The following AREL1 variants were observed in gnomAD, a reference collection of about 807,000 sequenced individuals.
AREL1 encodes the protein apoptosis resistant E3 ubiquitin protein ligase 1, also known as apoptosis-resistant E3 ubiquitin protein ligase 1.
Under a neutral mutation model 99.0 loss-of-function variants are expected in AREL1, and 62 were observed. The ratio of observed to expected loss-of-function variants is 0.63; its 90% confidence interval spans 0.51 to 0.77. The LOEUF (loss-of-function observed/expected upper bound fraction) is 0.77, where lower values mean the gene tolerates loss of function less well. Ranked by LOEUF, AREL1 falls within the 30% of genes least tolerant of loss-of-function variation. The pLI, the probability that AREL1 is intolerant of heterozygous loss-of-function variation, is 0.00. For synonymous variants in AREL1, 380 were observed against 376.5 expected, an observed-to-expected ratio of 1.01 and a Z score of -0.11; for missense variants, 879 against 1,027.6, an observed-to-expected ratio of 0.86 and a Z score of 1.98.
chr14:74,686,725 C>T (rs2089756586), intron 2 of AREL1, among the ~76,000 whole-genome samples: 1 of 151,960 alleles, frequency 6.6e-6, no homozygotes, highest in South Asian at 2.1e-4. Context: ...AACAATATAC[C>T]CAGTGGAACC....
chr14:74,688,538 C>T (rs2089798520), intron 2 of AREL1, among the ~76,000 whole-genome samples: 2 of 152,316 alleles, frequency 1.3e-5, no homozygotes, highest in South Asian at 4.1e-4. Flanking sequence ...TTCTGCCCCA[C>T]CTCTATTCAT....
chr14:74,683,603 G>A (rs1594767396), intron 4 of AREL1, 70 bp from the exon 5 acceptor site: 9 of 1,422,468 alleles, frequency 6.3e-6, no homozygotes, highest in Non-Finnish European at 8.9e-6. Flanking sequence ...TAGAGTGAGT[G>A]GGGAGAGAGG....
intron 5 of AREL1, among the ~76,000 whole-genome samples, chr14:74,678,870 G>T (rs1222300448): frequency 6.6e-6 from 1 of 151,992 alleles, no homozygotes; most frequent in Non-Finnish European, 1.5e-5. Flanking sequence ...GACCATAAAA[G>T]AAAAAAATGG....
At chr14:74,694,968 G>A (rs1196403940) in intron 1 of AREL1, among the ~76,000 whole-genome samples, 1 of 136,060 alleles carries the variant, frequency 7.3e-6, no homozygotes, top group Non-Finnish European at 1.5e-5. Flanking sequence ...CAGCCTGGGC[G>A]ATAGAGTGAG....
chr14:74,674,061 G>A lies in AREL1; in HGVS notation c.1131C>T (p.Tyr377=), dbSNP rs1287013252. ...TTGTTCCTGGACACACTCGGAAGGT[G>A]TAAAGGCGCCAGGGGATGATCTTCA... is the stretch of plus-strand genomic sequence containing the variant. The part of the protein sequence containing the change: ...FYLKIIPWRL[Y]TFRVCPGTKF... The change falls in exon 9 of 20, where the codon TAC becomes TAT. Residue 377 remains tyrosine, a synonymous_variant. Coordinates refer to ENST00000356357, the MANE Select transcript of AREL1 (RefSeq NM_001039479.2). 2 of 1,613,668 alleles carry A rather than the reference G, an allele frequency of 1.2e-6. No individual in the cohort carries two copies. Among genetic ancestry groups the A allele is most frequent in the African/African-American group, 1.3e-5 (1 of 74,918 alleles).
intron 2 of AREL1, among the ~76,000 whole-genome samples, chr14:74,688,307 G>A (rs2089794687): frequency 6.6e-6 from 1 of 152,074 alleles, no homozygotes; most frequent in Non-Finnish European, 1.5e-5. Flanking sequence ...TTACAGGCGT[G>A]AGCCACCACG....
intron 5 of AREL1, among the ~76,000 whole-genome samples, chr14:74,677,365 T>C (rs1295210742): frequency 6.6e-6 from 1 of 151,740 alleles, no homozygotes; most frequent in African/African-American, 2.4e-5. Flanking sequence ...GGCATGGTGG[T>C]TCATGCCTGT....
intron 5 of AREL1, among the ~76,000 whole-genome samples, chr14:74,677,463 T>G (rs2089513266): frequency 6.6e-6 from 1 of 151,290 alleles, no homozygotes; most frequent in Admixed American, 6.6e-5. Flanking sequence ...ACCATTGCAT[T>G]CTAGCCTGTG....
At chr14:74,679,192 GAAT>G (rs1309251097) in intron 5 of AREL1, among the ~76,000 whole-genome samples, 3 of 152,324 alleles carry the variant, frequency 2.0e-5, no homozygotes, top group African/African-American at 7.2e-5. Context: ...TGTGCTCTGT[GAAT>G]AACTCTGTTA....
In AREL1 at chr14:74,670,993, G is replaced by A. The variant is rs189758500; in HGVS notation, c.1499-122C>T. 230 of 720,122 alleles carry A rather than the reference G, an allele frequency of 3.2e-4. 1 individual carries two copies. The highest frequency in any genetic ancestry group is 3.0e-4 in the Non-Finnish European group (129 of 433,478). The allele number at this position is 720,122 out of a possible 1,614,324, so 44.6% of individuals were successfully genotyped here. A position where few individuals can be genotyped will look rare whatever the true frequency, so the allele number is the denominator to read the frequency against. On this transcript the variant is annotated intron_variant, in intron 12 of 19. Transcript: ENST00000356357. ...TATTGTACTACTCTGGTGTTTCTCC[G>A]TTGCGACTCATCTAAACTGTGGTCC...
At chr14:74,694,867 T>A (rs1419066539) in intron 1 of AREL1, among the ~76,000 whole-genome samples, 3 of 151,450 alleles carry the variant, frequency 2.0e-5, no homozygotes, top group Admixed American at 2.0e-4. Context: ...CGGGTGCCTG[T>A]AGTCCTAGCT....
chr14:74,669,773 T>C lies in AREL1; in HGVS notation c.1790A>G (p.Tyr597Cys). Residue 597 changes from tyrosine (Y) to cysteine (C), a missense_variant and splice_region_variant, in exon 15 of 20, where the codon TAC becomes TGC. Physicochemically the swap from Tyr to Cys is radical, Grantham distance 194. Transcript: ENST00000356357. ...QIIGLRMHYK[Y>C]FETDDPEFYK... Reference sequence around the variant, plus strand: ...GAATTCTGGGTCATCTGTTTCAAAGTACTGAGGAGGCAGAAAGACACAGAA... The same window carrying C: ...GAATTCTGGGTCATCTGTTTCAAAGCACTGAGGAGGCAGAAAGACACAGAA... 2 of 1,614,114 alleles carry C rather than the reference T, an allele frequency of 1.2e-6. No individual in the cohort carries two copies. Among genetic ancestry groups the C allele is most frequent in the South Asian group, 1.1e-5 (1 of 91,082 alleles).
chr14:74,698,794 T>C (rs1291760475), intron 1 of AREL1: 5 of 245,146 alleles, frequency 2.0e-5, no homozygotes, highest in Non-Finnish European at 3.5e-5. Flanking sequence ...GAGGCTGAGG[T>C]GGGAGGATGG....
At chr14:74,703,962 C>G (rs1398671881) in intron 1 of AREL1, among the ~76,000 whole-genome samples, 1 of 152,324 alleles carries the variant, frequency 6.6e-6, no homozygotes, top group Admixed American at 6.5e-5. Flanking sequence ...CAGCAATGCA[C>G]AAGAGGCAGG....
intron 1 of AREL1, chr14:74,701,554 T>C (rs1392405247): frequency 6.6e-6 from 1 of 152,122 alleles, no homozygotes; most frequent in Non-Finnish European, 1.5e-5. Context: ...TCCCACTGGA[T>C]CCCTCCCATA....
intron 12 of AREL1, 87 bp from the exon 13 acceptor site, chr14:74,670,958 A>C: frequency 9.5e-7 from 1 of 1,054,450 alleles, no homozygotes; most frequent in Non-Finnish European, 1.4e-6. Flanking sequence ...TATACTCTCC[A>C]CATTCCCTCT....
chr14:74,668,432 G>GT (rs1189481689), intron 15 of AREL1, among the ~76,000 whole-genome samples: 1 of 151,862 alleles, frequency 6.6e-6, no homozygotes, highest in Non-Finnish European at 1.5e-5. Context: ...ATCTAAAAAT[G>GT]TAAAACATTT....
At chr14:74,671,819 T>C in intron 11 of AREL1, 1 of 225,512 alleles carries the variant, frequency 4.4e-6, no homozygotes, top group Non-Finnish European at 9.0e-6. Flanking sequence ...CTCAAGTCAG[T>C]AAGCTGTAGG....
In AREL1 at chr14:74,713,056, G is replaced by C. The variant is rs367984367; in HGVS notation, c.-457C>G. ...CAGACCCCAGAGTTGGTCTCCACCC[G>C]GCCTGGGAACCGGCTCGGGGGATTG... On this transcript the variant is annotated 5_prime_UTR_variant, in exon 1 of 20. Transcript: ENST00000356357. 1 of 1,509,858 alleles carries C rather than the reference G, an allele frequency of 6.6e-7. No homozygotes were observed. Among genetic ancestry groups the C allele is most frequent in the Admixed American group, 1.7e-5 (1 of 59,298 alleles). 93.5% of individuals were successfully genotyped at this position (1,509,858 alleles called of 1,614,324 possible).
Sources: gnomAD v4.1 joint callset for allele counts (sites outside exome capture counted in the v4.1 genomes callset) on GRCh38, gnomAD v4.1.1 for gene constraint, MANE v1.5 for transcripts, NCBI Gene and HGNC (gene_info 2026-07-23, HGNC 2026-07-21) for gene names.